Variants in DLG2 observed in about 807,000 individuals in gnomAD.
DLG2 encodes the protein disks large homolog 2.
A neutral mutation model predicts 132.5 loss-of-function variants in DLG2; 45 were observed. The ratio of observed to expected loss-of-function variants is 0.34; its 90% confidence interval spans 0.27 to 0.44. The LOEUF (loss-of-function observed/expected upper bound fraction) is 0.44, where lower values mean the gene tolerates loss of function less well. DLG2 is among the 20% of genes least tolerant of loss of function. DLG2 has a pLI of 1.00. For missense variants in DLG2, 1,045 were observed against 1,196.9 expected (o/e 0.87, Z 1.87); for synonymous variants, 424 against 419.6 (o/e 1.01, Z -0.13).
At chr11:84,629,869 A>G (rs1225086513) in intron 6 of DLG2, among the ~76,000 whole-genome samples, 1 of 152,168 alleles carries the variant, frequency 6.6e-6, no homozygotes, top group African/African-American at 2.4e-5. Flanking sequence ...GAACAAGAGA[A>G]AGGGAAAATG....
At chr11:84,386,384 G>A (rs1244100547) in intron 7 of DLG2, among the ~76,000 whole-genome samples, 2 of 151,914 alleles carry the variant, frequency 1.3e-5, no homozygotes, top group East Asian at 3.9e-4. Flanking sequence ...TGTTAACTCT[G>A]TAACTAATTT....
At chr11:85,229,096 T>C (rs1400922784) in intron 4 of DLG2, among the ~76,000 whole-genome samples, 2 of 151,912 alleles carry the variant, frequency 1.3e-5, no homozygotes, top group African/African-American at 4.8e-5. Flanking sequence ...TATAAGAACC[T>C]TACAACTGTA....
chr11:83,565,132 G>A (rs2096682896), intron 19 of DLG2, among the ~76,000 whole-genome samples: 1 of 152,038 alleles, frequency 6.6e-6, no homozygotes, highest in Non-Finnish European at 1.5e-5. Context: ...TCTATAATTT[G>A]ACTTTAAGAC....
chr11:84,533,271 C>T (rs1331927267), intron 7 of DLG2, among the ~76,000 whole-genome samples: 2 of 152,114 alleles, frequency 1.3e-5, no homozygotes, highest in African/African-American at 2.4e-5. Context: ...ACATCGATGT[C>T]GTGTTTTTCA....
intron 8 of DLG2, among the ~76,000 whole-genome samples, chr11:84,188,618 G>A (rs1003930722): frequency 2.0e-5 from 3 of 152,116 alleles, no homozygotes; most frequent in Non-Finnish European, 2.9e-5. Context: ...TAATATTGGA[G>A]TGAAAAATAA....
upstream of DLG2, among the ~76,000 whole-genome samples, chr11:85,628,130 G>A (rs2082115135): frequency 6.6e-6 from 1 of 152,178 alleles, no homozygotes; most frequent in Non-Finnish European, 1.5e-5. Context: ...CTGCTCTGAC[G>A]GCGCTGGGCG....
In DLG2 at chr11:84,829,485, T is replaced by G. The variant is rs563362499; in HGVS notation, c.357+282176A>C. 2.6e-5 allele frequency among the ~76,000 whole-genome samples: 4 copies of G among 151,844 alleles called. No homozygotes were observed. In the East Asian group the frequency reaches 5.9e-4, roughly 22 times the overall value. ...TAAACTGTGCTGACAAAAATGATCA[T>G]GAATTATAAAGGTAATTTTACATTA... On this transcript the variant is annotated intron_variant, in intron 6 of 27. Transcript: ENST00000376104.
rs1056169263 is a variant in DLG2, at chr11:84,954,292, A to G, written c.357+157369T>C. Among the ~76,000 whole-genome samples the G allele has an allele frequency of 8.6e-5, 13 of 151,474 alleles. 1 individual carries two copies. The highest frequency in any genetic ancestry group is 4.6e-4 in the Admixed American group (7 of 15,226). On this transcript the variant is annotated intron_variant, in intron 6 of 27. Transcript: ENST00000376104. ...TATCTCTCTGTGATAAAATAGCAAT[A>G]TGAGTTTCAAGAATGGGGAGATCAA... is the stretch of plus-strand genomic sequence containing the variant.
intron 5 of DLG2, among the ~76,000 whole-genome samples, chr11:85,147,810 A>G (rs966430061): frequency 5.3e-5 from 8 of 152,156 alleles, no homozygotes; most frequent in African/African-American, 1.9e-4. Context: ...ACATAGGTAT[A>G]CGTGTGCCAT....
chr11:84,965,486 G>T (rs2053194026), intron 6 of DLG2, among the ~76,000 whole-genome samples: 1 of 152,064 alleles, frequency 6.6e-6, no homozygotes, highest in South Asian at 2.1e-4. Context: ...GGACTTAAAT[G>T]ATCCAATTCA....
chr11:84,405,992 A>T (rs2098847507), intron 7 of DLG2, among the ~76,000 whole-genome samples: 1 of 152,112 alleles, frequency 6.6e-6, no homozygotes. Context: ...CATGAGCAAT[A>T]GCCCCCTTCT....
At chr11:84,056,400 T>C (rs1350161009) in intron 11 of DLG2, among the ~76,000 whole-genome samples, 1 of 152,152 alleles carries the variant, frequency 6.6e-6, no homozygotes, top group East Asian at 1.9e-4. Context: ...TTATGACGAA[T>C]CACATCTTCC....
intron 6 of DLG2, among the ~76,000 whole-genome samples, chr11:85,047,020 G>A (rs2062411235): frequency 6.6e-6 from 1 of 151,916 alleles, no homozygotes; most frequent in Admixed American, 6.6e-5. Context: ...ATAGAACACA[G>A]TGGGAAATAA....
chr11:84,918,109 G>T (rs1750720337), intron 6 of DLG2, among the ~76,000 whole-genome samples: 1 of 152,134 alleles, frequency 6.6e-6, no homozygotes, highest in South Asian at 2.1e-4. Flanking sequence ...GTTTCTGGAA[G>T]TTTCCCTTTC....
At position 85,583,054 on chromosome 11, in the gene DLG2, AAAAATAT is replaced by A. The variant is rs2078663901; in HGVS notation, c.40+15596_40+15602del. ...CAAGAACTAGAAACCAGGGGAAAAAAAAAATATATATATATATATATATAATATATGT... is the reference window on the plus strand; with the variant it reads ...CAAGAACTAGAAACCAGGGGAAAAAAATATATATATATATATAATATATGT... On this transcript the variant is annotated intron_variant, in intron 3 of 27. Coordinates refer to ENST00000376104, the MANE Select transcript of DLG2 (RefSeq NM_001142699.3). Among the ~76,000 whole-genome samples the A allele has an allele frequency of 2.5e-5, 3 of 121,228 alleles. 1 individual carries two copies. The highest frequency in any genetic ancestry group is 9.7e-5 in the African/African-American group (3 of 30,922). The allele number at this position is 121,228 out of a possible 152,430, so 79.5% of individuals were successfully genotyped here.
chr11:85,465,802 A>G (rs1479552918), intron 3 of DLG2, among the ~76,000 whole-genome samples: 1 of 151,826 alleles, frequency 6.6e-6, no homozygotes, highest in Non-Finnish European at 1.5e-5. Flanking sequence ...ATGATTTATA[A>G]TCCTTTGGGT....
At chr11:84,010,743 A>T (rs2094843248) in intron 11 of DLG2, among the ~76,000 whole-genome samples, 1 of 152,162 alleles carries the variant, frequency 6.6e-6, no homozygotes, top group African/African-American at 2.4e-5. Context: ...CAATAGCAAA[A>T]TGAGAGCAAT....
intron 7 of DLG2, among the ~76,000 whole-genome samples, chr11:84,358,008 T>C (rs1290375341): frequency 6.6e-6 from 1 of 152,150 alleles, no homozygotes; most frequent in East Asian, 1.9e-4. Flanking sequence ...TATACTTTTA[T>C]AGTACTATTA....
intron 18 of DLG2, among the ~76,000 whole-genome samples, chr11:83,667,510 T>C (rs1160172259): frequency 6.6e-6 from 1 of 152,238 alleles, no homozygotes; most frequent in East Asian, 1.9e-4. Context: ...GCTTCACAAA[T>C]ACTCATTACC....
Sources: gnomAD v4.1 joint callset for allele counts (sites outside exome capture counted in the v4.1 genomes callset) on GRCh38, gnomAD v4.1.1 for gene constraint, MANE v1.5 for transcripts, NCBI Gene and HGNC (gene_info 2026-07-23, HGNC 2026-07-21) for gene names.